The following ITGB6 variants were observed in gnomAD, a reference collection of about 807,000 sequenced individuals.
The protein encoded by ITGB6 is integrin subunit beta 6.
A neutral mutation model predicts 84.5 loss-of-function variants in ITGB6; 80 were observed. The ratio of observed to expected loss-of-function variants is 0.95; its 90% confidence interval spans 0.79 to 1.14. The LOEUF is 1.14. Ranked by LOEUF, ITGB6 falls within the 50% of genes most tolerant of loss-of-function variation. ITGB6 has a pLI of 0.00. For synonymous variants in ITGB6, 383 were observed against 354.9 expected (o/e 1.08, Z -0.89); for missense variants, 1,006 against 968.0 (o/e 1.04, Z -0.52).
At chr2:160,158,453 A>C (rs918102140) in intron 7 of ITGB6, among the ~76,000 whole-genome samples, 1 of 152,210 alleles carries the variant, frequency 6.6e-6, no homozygotes, top group African/African-American at 2.4e-5. Flanking sequence ...TTAGAGAACA[A>C]AGAGGCTACA....
intron 4 of ITGB6, among the ~76,000 whole-genome samples, chr2:160,194,305 T>C (rs1337040904): frequency 6.6e-6 from 1 of 151,952 alleles, no homozygotes; most frequent in African/African-American, 2.4e-5. Flanking sequence ...TGTTAGATTG[T>C]AGTTGGGAAG....
chr2:160,137,064 GAAAAAAA>G (rs57756134), intron 10 of ITGB6, among the ~76,000 whole-genome samples: 1 of 143,556 alleles, frequency 7.0e-6, no homozygotes, highest in Non-Finnish European at 1.5e-5. Flanking sequence ...AAAAAAAAAA[GAAAAAAA>G]AAAAGAAAAG....
At chr2:160,199,060 T>C in intron 2 of ITGB6, 119 bp downstream of exon 2, 1 of 718,342 alleles carries the variant, frequency 1.4e-6, no homozygotes, top group Non-Finnish European at 2.4e-6. Flanking sequence ...CTTTCCTGAT[T>C]TGTTTTACTT....
At chr2:160,187,903 G>A (rs1685968402) in intron 4 of ITGB6, among the ~76,000 whole-genome samples, 1 of 151,966 alleles carries the variant, frequency 6.6e-6, no homozygotes, top group African/African-American at 2.4e-5. Context: ...AAGAGTCTAA[G>A]GGAGTCCTGA....
At chr2:160,169,408 A>G in intron 6 of ITGB6, 101 bp from the exon 7 acceptor site, 7 of 648,406 alleles carry the variant, frequency 1.1e-5, no homozygotes, top group Non-Finnish European at 1.9e-5. Flanking sequence ...TGGCATTTCA[A>G]TGCTCACAGG....
At position 160,099,812 on chromosome 2, in the gene ITGB6, G is replaced by T. The variant is rs1434194551; in HGVS notation, c.*1924C>A. 6.6e-6 allele frequency: 1 copy of T among 152,164 alleles called. No homozygotes were observed. The highest frequency in any genetic ancestry group is 1.5e-5 in the Non-Finnish European group (1 of 68,044). 9.4% of individuals were successfully genotyped at this position (152,164 alleles called of 1,614,324 possible). A position where few individuals can be genotyped will look rare whatever the true frequency, so the allele number is the denominator to read the frequency against. The stretch of plus-strand genomic sequence containing the variant: ...AATGTTTTGGCCTTTCCAAGGTCCT[G>T]CCTGGGGTCAAAACAGTATTCAGAG... On this transcript the variant is annotated 3_prime_UTR_variant, in exon 15 of 15. Transcript: ENST00000283249.
intron 4 of ITGB6, among the ~76,000 whole-genome samples, chr2:160,176,032 A>G (rs972253515): frequency 6.6e-6 from 1 of 152,148 alleles, no homozygotes; most frequent in Admixed American, 6.5e-5. Context: ...TGTGAGTATC[A>G]TCATTTTCTT....
intron 3 of ITGB6, 116 bp from the exon 4 acceptor site, chr2:160,195,731 T>C (rs930969988): frequency 2.7e-6 from 3 of 1,122,820 alleles, no homozygotes; most frequent in Non-Finnish European, 3.8e-6. Flanking sequence ...CTGAAATACA[T>C]ATGATTTTAT....
intron 10 of ITGB6, among the ~76,000 whole-genome samples, chr2:160,136,554 T>C (rs1369526043): frequency 1.3e-5 from 2 of 152,236 alleles, no homozygotes; most frequent in Non-Finnish European, 2.9e-5. Context: ...TTACTGGGTA[T>C]ATACCCAAAG....
intron 7 of ITGB6, among the ~76,000 whole-genome samples, chr2:160,159,588 C>T (rs191642615): frequency 6.6e-5 from 10 of 152,206 alleles, no homozygotes; most frequent in African/African-American, 1.4e-4. Flanking sequence ...CTACCTCTCC[C>T]GCTCCATCTC....
At chr2:160,108,214 AGTGTGTGT>A (rs57363305) in intron 13 of ITGB6, among the ~76,000 whole-genome samples, 184 of 142,816 alleles carry the variant, frequency 1.3e-3, no homozygotes, top group Non-Finnish European at 2.2e-3. Flanking sequence ...GCAGAAATGG[AGTGTGTGT>A]GTGTGTGTGT....
chr2:160,120,125 T>G (rs535829790), intron 12 of ITGB6, among the ~76,000 whole-genome samples: 118 of 152,104 alleles, frequency 7.8e-4, no homozygotes, highest in African/African-American at 2.8e-3. Flanking sequence ...CTCAGGGATC[T>G]AGAACTAGAA....
At chr2:160,140,290 T>C (rs1421707000) in intron 8 of ITGB6, among the ~76,000 whole-genome samples, 1 of 152,224 alleles carries the variant, frequency 6.6e-6, no homozygotes, top group East Asian at 1.9e-4. Context: ...ATTTCTGAGA[T>C]AGTAAAACAA....
At chr2:160,118,905 C>T (rs993232886) in intron 12 of ITGB6, among the ~76,000 whole-genome samples, 5 of 152,138 alleles carry the variant, frequency 3.3e-5, no homozygotes, top group Non-Finnish European at 5.9e-5. Context: ...TGAGTGAACT[C>T]CCATTCACAA....
chr2:160,183,177 A>G (rs1387441666), intron 4 of ITGB6, among the ~76,000 whole-genome samples: 1 of 152,246 alleles, frequency 6.6e-6, no homozygotes, highest in African/African-American at 2.4e-5. Flanking sequence ...TAAATGCCCC[A>G]ATTAAAATAC....
Position 160,107,859 on chromosome 2 carries a change from GAA to G in ITGB6, c.2102-16_2102-15del. 1 of 1,563,392 alleles carries G rather than the reference GAA, an allele frequency of 6.4e-7. No individual in the cohort carries two copies. Among genetic ancestry groups the G allele is most frequent in the Non-Finnish European group, 8.7e-7 (1 of 1,148,680 alleles). The stretch of plus-strand genomic sequence containing the variant: ...GCTTCGGACAATCTGCAGAAATAAA[GAA>G]AATTATAAGAAGGTGGTAAAATCAA... On this transcript the variant is annotated splice_polypyrimidine_tract_variant and intron_variant, in intron 13 of 14. Transcript: ENST00000283249.
At chr2:160,197,830 G>A (rs1686402390) in intron 2 of ITGB6, among the ~76,000 whole-genome samples, 1 of 152,194 alleles carries the variant, frequency 6.6e-6, no homozygotes, top group South Asian at 2.1e-4. Flanking sequence ...ATCAGAGGTG[G>A]TGTTAACCAC....
In ITGB6 at chr2:160,200,009, C is replaced by A; in HGVS notation, c.55G>T (p.Val19Leu). Reference protein sequence around the residue: ...FFLFLGRNDHVQGGCALGGAE... With the variant: ...FFLFLGRNDHLQGGCALGGAE... ...CAGAGAACGCAGGTCTTACCTTGTA[C>A]GTGATCATTCCTTCCTAGAAATAGA... The change falls in exon 1 of 15, where the codon GTA becomes TTA. Residue 19 changes from valine (V) to leucine (L), a missense_variant. By Grantham distance (32) the Val-to-Leu change is conservative. Transcript: ENST00000283249. The A allele has an allele frequency of 1.2e-6, 2 of 1,612,802 alleles. No individual in the cohort carries two copies. Among genetic ancestry groups the A allele is most frequent in the East Asian group, 2.2e-5 (1 of 44,844 alleles).
chr2:160,189,922 C>G (rs1042836009), intron 4 of ITGB6, among the ~76,000 whole-genome samples: 20 of 152,088 alleles, frequency 1.3e-4, no homozygotes, highest in African/African-American at 4.1e-4. Context: ...TATTGCGGCA[C>G]TATTCACAAT....
Sources: gnomAD v4.1 joint callset for allele counts (sites outside exome capture counted in the v4.1 genomes callset) on GRCh38, gnomAD v4.1.1 for gene constraint, MANE v1.5 for transcripts, NCBI Gene and HGNC (gene_info 2026-07-23, HGNC 2026-07-21) for gene names.